The following CDH12 variants were observed in gnomAD, a reference collection of about 807,000 sequenced individuals.
CDH12 encodes cadherin-12.
A neutral mutation model predicts 74.1 loss-of-function variants in CDH12; 41 were observed. The ratio of observed to expected loss-of-function variants is 0.55; its 90% CI spans 0.43 to 0.72. The LOEUF (loss-of-function observed/expected upper bound fraction) is 0.72, where lower values mean the gene tolerates loss of function less well. Ranked by LOEUF, CDH12 falls within the 30% of genes least tolerant of loss-of-function variation. The pLI is 0.00. For missense variants in CDH12, 945 were observed against 977.2 expected (o/e 0.97, Z 0.44); for synonymous variants, 399 against 355.0 (o/e 1.12, Z -1.39).
At chr5:22,624,093 G>C (rs967628532) in intron 1 of CDH12, among the ~76,000 whole-genome samples, 1 of 152,126 alleles carries the variant, frequency 6.6e-6, no homozygotes, top group African/African-American at 2.4e-5. Flanking sequence ...AAATGGTACT[G>C]GGAAAACTGG....
intron 2 of CDH12, among the ~76,000 whole-genome samples, chr5:22,406,447 G>C (rs1473556221): frequency 2.6e-5 from 4 of 152,086 alleles, no homozygotes; most frequent in African/African-American, 9.7e-5. Context: ...CAGTTTACAG[G>C]AATATATTTG....
At chr5:22,792,326 TG>T (rs1256639398) in intron 1 of CDH12, among the ~76,000 whole-genome samples, 11 of 152,180 alleles carry the variant, frequency 7.2e-5, no homozygotes, top group African/African-American at 2.2e-4. Context: ...TGACCTCAGG[TG>T]ATCTGCCTCC....
intron 1 of CDH12, among the ~76,000 whole-genome samples, chr5:22,561,110 T>TTAG (rs1739028522): frequency 6.6e-6 from 1 of 152,176 alleles, no homozygotes; most frequent in South Asian, 2.1e-4. Flanking sequence ...AAATAAAGGT[T>TTAG]TTGAACTATT....
At chr5:21,773,054 T>C (rs1745405266) in intron 11 of CDH12, among the ~76,000 whole-genome samples, 1 of 152,166 alleles carries the variant, frequency 6.6e-6, no homozygotes, top group Admixed American at 6.5e-5. Flanking sequence ...ACATAGCATA[T>C]AATAATGAGA....
At chr5:22,204,205 C>T (rs892646116) in intron 4 of CDH12, among the ~76,000 whole-genome samples, 2 of 151,166 alleles carry the variant, frequency 1.3e-5, no homozygotes, top group East Asian at 1.9e-4. Flanking sequence ...CGGAGTCTCC[C>T]TCTGTCGCCC....
At chr5:21,996,479 A>T (rs1736308970) in intron 5 of CDH12, among the ~76,000 whole-genome samples, 1 of 152,182 alleles carries the variant, frequency 6.6e-6, no homozygotes, top group Non-Finnish European at 1.5e-5. Context: ...TTCACAAATG[A>T]GGAAATTGAG....
chr5:22,154,768 G>T (rs1465340752), intron 4 of CDH12, among the ~76,000 whole-genome samples: 2 of 151,838 alleles, frequency 1.3e-5, no homozygotes, highest in African/African-American at 4.8e-5. Context: ...TCTGTCTATT[G>T]CATTGTCACA....
chr5:21,820,805 T>C (rs1054267442), intron 8 of CDH12, among the ~76,000 whole-genome samples: 5 of 151,974 alleles, frequency 3.3e-5, no homozygotes, highest in Admixed American at 6.6e-5. Context: ...CAAAGTTGGA[T>C]TGTTCATGAT....
At chr5:21,841,665 A>T (rs1164816300) in intron 8 of CDH12, among the ~76,000 whole-genome samples, 1 of 151,936 alleles carries the variant, frequency 6.6e-6, no homozygotes, top group Non-Finnish European at 1.5e-5. Flanking sequence ...ACACCATGGA[A>T]TACTATGCAG....
chr5:22,304,018 C>A lies in CDH12; in HGVS notation c.-332-91375G>T, dbSNP rs184495035. On this transcript the variant is annotated intron_variant, in intron 3 of 14. Coordinates refer to ENST00000382254, the MANE Select transcript of CDH12 (RefSeq NM_004061.5). ...ATAACAACCCCAAAAGTATTCAAAC[C>A]ACCCACCCTTCTAGGAGTAAATATT... is the stretch of plus-strand genomic sequence containing the variant. 1.9e-4 allele frequency among the ~76,000 whole-genome samples: 29 copies of A among 152,072 alleles called. No individual in the cohort carries two copies. In the East Asian group the frequency reaches 5.0e-3, roughly 26 times the overall value.
chr5:22,676,977 A>G (rs1252411461), intron 1 of CDH12, among the ~76,000 whole-genome samples: 2 of 152,202 alleles, frequency 1.3e-5, no homozygotes, highest in African/African-American at 4.8e-5. Context: ...TAGATTAGAC[A>G]ATCAATATAT....
At chr5:22,471,689 A>G (rs970985748) in intron 2 of CDH12, among the ~76,000 whole-genome samples, 4 of 152,148 alleles carry the variant, frequency 2.6e-5, no homozygotes, top group African/African-American at 9.7e-5. Context: ...AAGGTTACCA[A>G]TGACTTCACA....
At chr5:22,574,373 CATTT>C (rs1420301624) in intron 1 of CDH12, among the ~76,000 whole-genome samples, 3 of 151,992 alleles carry the variant, frequency 2.0e-5, no homozygotes, top group African/African-American at 4.8e-5. Context: ...TTTCAGCATT[CATTT>C]GTCTATTCCT....
At chr5:22,217,054 C>T (rs1395857811) in intron 3 of CDH12, among the ~76,000 whole-genome samples, 3 of 151,808 alleles carry the variant, frequency 2.0e-5, no homozygotes, top group African/African-American at 7.2e-5. Flanking sequence ...TCTCCCTTCT[C>T]ACACCCTTCC....
intron 1 of CDH12, among the ~76,000 whole-genome samples, chr5:22,644,459 A>C (rs1021699285): frequency 9.9e-5 from 15 of 152,084 alleles, no homozygotes; most frequent in African/African-American, 3.6e-4. Context: ...CCAAACTCTA[A>C]CTCTCTTCAA....
chr5:22,809,373 T>C (rs1749008786), intron 1 of CDH12, among the ~76,000 whole-genome samples: 1 of 151,742 alleles, frequency 6.6e-6, no homozygotes, highest in African/African-American at 2.4e-5. Context: ...TCTAACAATA[T>C]AATCCTATAT....
At chr5:22,325,386 G>A (rs192496197) in intron 3 of CDH12, among the ~76,000 whole-genome samples, 1 of 152,020 alleles carries the variant, frequency 6.6e-6, no homozygotes, top group Non-Finnish European at 1.5e-5. Context: ...TCTCAATGAC[G>A]AAGGCTTTAC....
At chr5:22,376,334 T>C (rs1475576026) in intron 3 of CDH12, among the ~76,000 whole-genome samples, 2 of 151,998 alleles carry the variant, frequency 1.3e-5, no homozygotes, top group Middle Eastern at 3.4e-3. Flanking sequence ...GAGAGACTGA[T>C]TATTGGGTGC....
intron 3 of CDH12, among the ~76,000 whole-genome samples, chr5:22,286,428 C>T (rs538362275): frequency 6.6e-6 from 1 of 152,060 alleles, no homozygotes; most frequent in South Asian, 2.1e-4. Flanking sequence ...ACTACATAAA[C>T]CTAAAAGATA....
Sources: allele counts gnomAD v4.1 joint callset (sites outside exome capture counted in the v4.1 genomes callset), GRCh38; gene constraint gnomAD v4.1.1; transcripts MANE v1.5; gene names NCBI Gene and HGNC (gene_info 2026-07-23, HGNC 2026-07-21).